The following ANK2 variants were observed in gnomAD, a reference collection of about 807,000 sequenced individuals.
ANK2 encodes the protein ankyrin-2.
ANK2 carries 83 observed loss-of-function variants against 360.5 expected under a neutral mutation model. The ratio of observed to expected loss-of-function variants is 0.23; its 90% CI spans 0.19 to 0.28. The LOEUF is 0.28. Ranked by LOEUF, ANK2 falls within the 10% of genes least tolerant of loss-of-function variation. The pLI, the probability that ANK2 is intolerant of heterozygous loss-of-function variation, is 1.00. For synonymous variants in ANK2, 1,740 were observed against 1,759.5 expected, an observed-to-expected ratio of 0.99 and a Z score of 0.28; for missense variants, 4,201 against 4,795.7, an observed-to-expected ratio of 0.88 and a Z score of 3.66.
intron 14 of ANK2, among the ~76,000 whole-genome samples, chr4:113,266,772 G>C (rs2056273703): frequency 6.6e-6 from 1 of 152,184 alleles, no homozygotes; most frequent in Non-Finnish European, 1.5e-5. Flanking sequence ...AGCTGCTCAG[G>C]TGGCTGAGGC....
rs752459247 is a variant in ANK2, at chr4:113,293,494, G to A, written c.2431G>A (p.Asp811Asn). 3.1e-6 allele frequency: 5 copies of A among 1,613,664 alleles called. No homozygotes were observed. Among genetic ancestry groups the A allele is most frequent in the South Asian group, 2.2e-5 (2 of 91,038 alleles). ...GCGTCTGGGCTACATCTCCGTGGTC[G>A]ACACCCTGAAGGTTGTGACTGAGGA... ...AKRLGYISVV[D>N]TLKVVTEEVT... Residue 811 changes from aspartate to asparagine, a missense_variant, in exon 22 of 46, where the codon GAC (aspartate) becomes AAC (asparagine). Physicochemically the swap from Asp to Asn is conservative, Grantham distance 23. Coordinates refer to ENST00000357077, the MANE Select transcript of ANK2 (RefSeq NM_001148.6).
chr4:112,810,997 G>A, the ANK2 span, among the ~76,000 whole-genome samples: 1 of 149,376 alleles, frequency 6.7e-6, no homozygotes, highest in Non-Finnish European at 1.5e-5. Flanking sequence ...GGGCAGTGGC[G>A]CGATCTCGGC....
chr4:113,058,063 C>T (rs1397449120), intron 1 of ANK2, among the ~76,000 whole-genome samples: 2 of 152,156 alleles, frequency 1.3e-5, no homozygotes, highest in African/African-American at 4.8e-5. Context: ...CCACAGGTTT[C>T]TGTGCAGTCT....
rs952027752 is a variant in ANK2 at position 113,375,586 on chromosome 4, G to A, written c.11859+2137G>A. Among the ~76,000 whole-genome samples, 136 of 152,076 alleles carry A rather than the reference G, an allele frequency of 8.9e-4. 3 individuals are homozygous for A. The highest frequency in any genetic ancestry group is 2.9e-4 in the Non-Finnish European group (20 of 67,952). ...TAAAAATACAAAAAATTAGCCAGGCGTGGTGGCGGGTGCCTGTAGTCCCAG... is the reference window on the plus strand; with the variant it reads ...TAAAAATACAAAAAATTAGCCAGGCATGGTGGCGGGTGCCTGTAGTCCCAG... On this transcript the variant is annotated intron_variant, in intron 45 of 45. Coordinates refer to ENST00000357077, the MANE Select transcript of ANK2 (RefSeq NM_001148.6).
Position 113,357,080 on chromosome 4 carries a change from A to G in ANK2, c.8462A>G (p.Asp2821Gly). ...GCTCTCCAAGGCACTCATGAAAAAG[A>G]CACAGAGGGAGAAGAGCTTGATGTT... ...SLALQGTHEK[D>G]TEGEELDVSR... The change falls in exon 38 of 46, where the codon GAC (aspartate) becomes GGC (glycine). Residue 2821 changes from aspartate to glycine, a missense_variant. By Grantham distance (94) the Asp-to-Gly change is moderately conservative. This residue lies in a region of ANK2 where 2,642 missense variants were observed against 2,714.5 expected (regional missense o/e 0.97). Coordinates refer to ENST00000357077, the MANE Select transcript of ANK2 (RefSeq NM_001148.6). 1.2e-6 allele frequency: 2 copies of G among 1,614,116 alleles called. No individual in the cohort carries two copies. The highest frequency in any genetic ancestry group is 1.7e-6 in the Non-Finnish European group (2 of 1,179,984).
intron 14 of ANK2, 37 bp from the exon 15 acceptor site, chr4:113,274,415 T>C (rs2153687500): frequency 6.2e-7 from 1 of 1,601,758 alleles, no homozygotes; most frequent in Non-Finnish European, 8.6e-7. Context: ...AAGTTCTGTC[T>C]GCCCGGCACT....
chr4:112,996,323 A>G (rs917067130), intron 2 of ANK2, among the ~76,000 whole-genome samples: 1 of 152,176 alleles, frequency 6.6e-6, no homozygotes, highest in African/African-American at 2.4e-5. Flanking sequence ...GGAGTGATGA[A>G]TATATGTTCA....
At chr4:112,709,251 T>C in the ANK2 span, among the ~76,000 whole-genome samples, 4 of 152,230 alleles carry the variant, frequency 2.6e-5, no homozygotes, top group Non-Finnish European at 5.9e-5. Flanking sequence ...AAATTAGTTA[T>C]GAAAATAGAT....
At chr4:113,118,273 T>C (rs1430781978) in intron 1 of ANK2, among the ~76,000 whole-genome samples, 1 of 152,218 alleles carries the variant, frequency 6.6e-6, no homozygotes, top group Non-Finnish European at 1.5e-5. Context: ...TTTCAGAAGA[T>C]GATAAATGGC....
chr4:112,970,811 T>C (rs1435408259), intron 2 of ANK2, among the ~76,000 whole-genome samples: 1 of 152,140 alleles, frequency 6.6e-6, no homozygotes, highest in Non-Finnish European at 1.5e-5. Context: ...TAACGATGTA[T>C]TGTATACTTG....
At chr4:113,316,778 G>A (rs1348016901) in intron 24 of ANK2, among the ~76,000 whole-genome samples, 1 of 152,210 alleles carries the variant, frequency 6.6e-6, no homozygotes, top group Admixed American at 6.5e-5. Context: ...CTATGCAAAT[G>A]TCAAGTTTTA....
At chr4:113,188,767 C>T (rs539659221) in intron 2 of ANK2, among the ~76,000 whole-genome samples, 5 of 152,198 alleles carry the variant, frequency 3.3e-5, no homozygotes, top group African/African-American at 7.2e-5. Flanking sequence ...TCTAGTTTCC[C>T]CTTGTATGTG....
intron 1 of ANK2, among the ~76,000 whole-genome samples, chr4:112,864,964 G>A (rs895262342): frequency 5.5e-5 from 8 of 144,218 alleles, no homozygotes; most frequent in South Asian, 2.3e-4. Flanking sequence ...CCCAGGAGGC[G>A]GAGCTTGCAG....
chr4:113,301,091 A>G (rs185326302), intron 22 of ANK2, among the ~76,000 whole-genome samples: 128 of 152,338 alleles, frequency 8.4e-4, no homozygotes, highest in African/African-American at 2.8e-3. Context: ...CTAAAAAACT[A>G]GACAACCTAT....
At chr4:113,271,135 G>A (rs946166799) in intron 14 of ANK2, among the ~76,000 whole-genome samples, 3 of 152,148 alleles carry the variant, frequency 2.0e-5, no homozygotes, top group African/African-American at 4.8e-5. Flanking sequence ...TTCTGCTAAC[G>A]TCATTATCTC....
At chr4:112,781,166 A>AT in the ANK2 span, among the ~76,000 whole-genome samples, 1 of 152,042 alleles carries the variant, frequency 6.6e-6, no homozygotes, top group South Asian at 2.1e-4. Context: ...CGCCTGGATA[A>AT]TTTTTTGTAG....
chr4:113,208,158 G>T (rs768454572), intron 4 of ANK2, among the ~76,000 whole-genome samples: 20 of 151,834 alleles, frequency 1.3e-4, no homozygotes, highest in Non-Finnish European at 2.4e-4. Context: ...ACAAGCTCAG[G>T]ATTCTGTTTT....
At chr4:113,114,980 G>A (rs745952490) in intron 1 of ANK2, among the ~76,000 whole-genome samples, 4 of 152,130 alleles carry the variant, frequency 2.6e-5, no homozygotes, top group Non-Finnish European at 4.4e-5. Flanking sequence ...TGCTTGTTGC[G>A]AACATTTTTT....
chr4:112,727,911 A>T, the ANK2 span, among the ~76,000 whole-genome samples: 1 of 152,118 alleles, frequency 6.6e-6, no homozygotes, highest in Non-Finnish European at 1.5e-5. Flanking sequence ...CGGGAGGCGG[A>T]CGTTGCGGTG....
Sources: gnomAD v4.1 joint callset for allele counts (sites outside exome capture counted in the v4.1 genomes callset) on GRCh38, gnomAD v4.1.1 for gene constraint, gnomAD v4.1.1 regional missense constraint, MANE v1.5 for transcripts, NCBI Gene and HGNC (gene_info 2026-07-23, HGNC 2026-07-21) for gene names.